Variants in NAA38 observed in about 807,000 individuals in gnomAD.
NAA38 encodes N-alpha-acetyltransferase 38, NatC auxiliary subunit, also known as LSM domain containing 1.
A neutral mutation model predicts 12.6 loss-of-function variants in NAA38; 15 were observed. That is an observed-to-expected ratio of 1.19 (90% CI 0.79 to 1.83). NAA38 has a LOEUF of 1.83. NAA38 is among the 40% of genes most tolerant of loss of function. The probability of loss-of-function intolerance (pLI) is 0.00; values close to 1 mark genes in which losing one functional copy is unlikely to be tolerated. For missense variants in NAA38, 183 were observed against 171.7 expected, an observed-to-expected ratio of 1.07 and a Z score of -0.37; for synonymous variants, 88 against 69.9, an observed-to-expected ratio of 1.26 and a Z score of -1.29.
intron 2 of NAA38, among the ~76,000 whole-genome samples, chr17:7,871,017 A>G (rs1967077029): frequency 6.6e-6 from 1 of 152,144 alleles, no homozygotes; most frequent in South Asian, 2.1e-4. Context: ...GTGAACCACC[A>G]CACCCAACCA....
chr17:7,868,423 G>C (rs1281762050), intron 2 of NAA38, among the ~76,000 whole-genome samples: 1 of 152,212 alleles, frequency 6.6e-6, no homozygotes, highest in Non-Finnish European at 1.5e-5. Context: ...GATATTCTTA[G>C]AAGAAATCTA....
intron 2 of NAA38, among the ~76,000 whole-genome samples, chr17:7,879,799 A>G (rs959967734): frequency 6.6e-6 from 1 of 152,038 alleles, no homozygotes; most frequent in Admixed American, 6.6e-5. Context: ...ACAGTGAGAC[A>G]CACAGGCATA....
chr17:7,859,290 G>C, upstream of NAA38: 1 of 994,196 alleles, frequency 1.0e-6, no homozygotes, highest in Non-Finnish European at 1.5e-6. Flanking sequence ...ACCTGAAGCT[G>C]CTATCTGCCA....
At chr17:7,863,728 G>A (rs1252897541) in intron 3 of NAA38, 2 of 151,914 alleles carry the variant, frequency 1.3e-5, no homozygotes, top group East Asian at 1.9e-4. Flanking sequence ...TCTCCAAATA[G>A]CCCAACCCCC....
At chr17:7,859,675 T>G, upstream of NAA38, 1 of 1,507,646 alleles carries the variant, frequency 6.6e-7, no homozygotes, top group South Asian at 1.1e-5. Context: ...TTCTGTGCCT[T>G]GAGGAAAAGT....
At chr17:7,859,325 G>T, upstream of NAA38, 2 of 1,406,322 alleles carry the variant, frequency 1.4e-6, no homozygotes, top group Admixed American at 3.6e-5. Context: ...ATCCCAGCGT[G>T]TGTATATGTA....
intron 2 of NAA38, among the ~76,000 whole-genome samples, chr17:7,879,039 A>G (rs532403612): frequency 6.6e-6 from 1 of 151,654 alleles, no homozygotes; most frequent in Non-Finnish European, 1.5e-5. Flanking sequence ...TATTCTATGT[A>G]AAAATATATA....
chr17:7,874,424 G>A (rs1244047394), intron 2 of NAA38, among the ~76,000 whole-genome samples: 2 of 152,184 alleles, frequency 1.3e-5, no homozygotes, highest in African/African-American at 2.4e-5. Flanking sequence ...CACCCAAGAT[G>A]ATGGCAGGAC....
At chr17:7,871,260 C>T (rs903333410) in intron 2 of NAA38, among the ~76,000 whole-genome samples, 2 of 152,172 alleles carry the variant, frequency 1.3e-5, no homozygotes, top group Non-Finnish European at 2.9e-5. Context: ...TATTTAACCT[C>T]CCTTTGTCTG....
Position 7,857,547 on chromosome 17 carries a change from C to T in NAA38, c.-84G>A, listed in dbSNP as rs541013672. 201 of 1,444,534 alleles carry T rather than the reference C, an allele frequency of 1.4e-4. No homozygotes were observed. In the African/African-American group the frequency reaches 2.5e-3, roughly 18 times the overall value. The allele number at this position is 1,444,534 out of a possible 1,614,324, so 89.5% of individuals were successfully genotyped here. ...TCCGAGATCTCGCGAGCGCTCCCGA[C>T]CTCTTTCCTTTCGCGAGATCCCCTC... On this transcript the variant is annotated 5_prime_UTR_variant, in exon 1 of 3. Coordinates refer to ENST00000575771, the MANE Select transcript of NAA38 (RefSeq NM_001320925.4).
At chr17:7,859,911 A>G, upstream of NAA38, 1 of 381,072 alleles carries the variant, frequency 2.6e-6, no homozygotes, top group Non-Finnish European at 4.8e-6. Context: ...TAGTTAAGAG[A>G]GAGTAGTTCT....
intron 2 of NAA38, among the ~76,000 whole-genome samples, chr17:7,867,816 C>T (rs575214510): frequency 6.6e-6 from 1 of 152,074 alleles, no homozygotes; most frequent in Non-Finnish European, 1.5e-5. Flanking sequence ...CAGTGGAGAT[C>T]GGAGATGAAA....
intron 1 of NAA38, 85 bp from the exon 2 acceptor site, chr17:7,857,283 C>T (rs778867111): frequency 6.2e-7 from 1 of 1,610,886 alleles, no homozygotes; most frequent in Non-Finnish European, 8.5e-7. Flanking sequence ...CCGCGGGGCA[C>T]TCACACAAAG....
intron 2 of NAA38, among the ~76,000 whole-genome samples, chr17:7,868,034 C>G (rs975177813): frequency 1.3e-5 from 2 of 152,130 alleles, no homozygotes; most frequent in Non-Finnish European, 2.9e-5. Context: ...AGGCACATGT[C>G]CAGATCTTGT....
At chr17:7,857,924 T>C, upstream of NAA38, 2 of 1,425,432 alleles carry the variant, frequency 1.4e-6, no homozygotes, top group Non-Finnish European at 1.8e-6. Flanking sequence ...GCGGGACTCA[T>C]ACTACGTTTC....
At chr17:7,885,414 G>A (rs1349200319), upstream of NAA38, among the ~76,000 whole-genome samples, 1 of 149,948 alleles carries the variant, frequency 6.7e-6, no homozygotes, top group African/African-American at 2.4e-5. Context: ...GGCTTTCGGG[G>A]GAGGAGGAGG....
upstream of NAA38, chr17:7,857,895 T>C (rs2151384954): frequency 7.1e-7 from 1 of 1,403,424 alleles, no homozygotes. Context: ...CTCAATTACT[T>C]GATCCTTATA....
chr17:7,872,456 G>C (rs765928345), intron 2 of NAA38, among the ~76,000 whole-genome samples: 1 of 152,078 alleles, frequency 6.6e-6, no homozygotes, highest in Non-Finnish European at 1.5e-5. Context: ...TGCAACCTCC[G>C]CGTTCAGGTG....
intron 2 of NAA38, among the ~76,000 whole-genome samples, chr17:7,869,777 G>T (rs1567817009): frequency 6.6e-6 from 1 of 150,408 alleles, no homozygotes; most frequent in African/African-American, 2.4e-5. Context: ...AAAAAGAAAA[G>T]AAAAAAAAAT....
Sources: gnomAD v4.1 joint callset for allele counts (sites outside exome capture counted in the v4.1 genomes callset) on GRCh38, gnomAD v4.1.1 for gene constraint, MANE v1.5 for transcripts, NCBI Gene and HGNC (gene_info 2026-07-23, HGNC 2026-07-21) for gene names.